Variants in NBEA observed in about 807,000 individuals in gnomAD.
The protein encoded by NBEA is neurobeachin.
In NBEA, 44 loss-of-function variants were observed where a neutral mutation model predicts 343.4. That is an observed-to-expected ratio of 0.13 (90% CI 0.10 to 0.16). NBEA has a LOEUF of 0.16. NBEA is among the 10% of genes least tolerant of loss of function. The pLI is 1.00. For missense variants in NBEA, 2,555 were observed against 3,631.3 expected, an observed-to-expected ratio of 0.70 and a Z score of 7.62; for synonymous variants, 1,175 against 1,238.7, an observed-to-expected ratio of 0.95 and a Z score of 1.08.
intron 1 of NBEA, among the ~76,000 whole-genome samples, chr13:34,987,669 A>G (rs2060601330): frequency 6.6e-6 from 1 of 150,822 alleles, no homozygotes; most frequent in African/African-American, 2.4e-5. Flanking sequence ...ATAGTCCTAT[A>G]TTTCTTGGAG....
intron 56 of NBEA, among the ~76,000 whole-genome samples, chr13:35,665,473 G>A (rs1387601249): frequency 6.6e-6 from 1 of 152,086 alleles, no homozygotes; most frequent in Non-Finnish European, 1.5e-5. Flanking sequence ...AAGACAAGGG[G>A]AAAGTATCCC....
chr13:35,147,072 C>T (rs1364186921), intron 18 of NBEA, among the ~76,000 whole-genome samples: 1 of 152,150 alleles, frequency 6.6e-6, no homozygotes, highest in East Asian at 1.9e-4. Context: ...TTATCATAGT[C>T]CACAGGCTTG....
chr13:35,047,478 C>T (rs953484794), intron 4 of NBEA, among the ~76,000 whole-genome samples: 12 of 151,962 alleles, frequency 7.9e-5, no homozygotes, highest in Middle Eastern at 3.4e-3. Context: ...TCCAGAAAAG[C>T]TTCACAGATG....
chr13:35,265,136 A>G (rs1353364044), intron 34 of NBEA, among the ~76,000 whole-genome samples: 4 of 151,880 alleles, frequency 2.6e-5, no homozygotes, highest in African/African-American at 9.7e-5. Context: ...AATATTTGCA[A>G]TTGCAATGTT....
At chr13:35,561,350 T>G (rs189799473) in intron 44 of NBEA, among the ~76,000 whole-genome samples, 1 of 152,290 alleles carries the variant, frequency 6.6e-6, no homozygotes, top group East Asian at 1.9e-4. Flanking sequence ...AGAGAAGTGT[T>G]ACAGAATTGG....
chr13:35,503,966 A>G (rs1027230699), intron 41 of NBEA, among the ~76,000 whole-genome samples: 2 of 152,216 alleles, frequency 1.3e-5, no homozygotes, highest in Non-Finnish European at 2.9e-5. Flanking sequence ...AGGAACAAAT[A>G]CATGATTTGA....
At chr13:35,239,325 G>C (rs1339184741) in intron 34 of NBEA, among the ~76,000 whole-genome samples, 1 of 152,038 alleles carries the variant, frequency 6.6e-6, no homozygotes, top group Non-Finnish European at 1.5e-5. Flanking sequence ...AGGACTCATG[G>C]TGGCCATCAA....
intron 49 of NBEA, among the ~76,000 whole-genome samples, chr13:35,628,841 C>G (rs916994244): frequency 1.3e-5 from 2 of 152,116 alleles, no homozygotes; most frequent in Non-Finnish European, 2.9e-5. Context: ...TCACTTGAAC[C>G]CAGGAGGCAG....
At chr13:35,649,226 G>A (rs2084395650) in intron 51 of NBEA, among the ~76,000 whole-genome samples, 1 of 152,180 alleles carries the variant, frequency 6.6e-6, no homozygotes, top group Non-Finnish European at 1.5e-5. Flanking sequence ...CAACCAGATA[G>A]AAATGAAAGT....
chr13:35,195,844 C>G lies in NBEA; in HGVS notation c.4928-20C>G. 6.5e-7 allele frequency: 1 copy of G among 1,538,884 alleles called. No homozygotes were observed. Among genetic ancestry groups the G allele is most frequent in the Non-Finnish European group, 8.7e-7 (1 of 1,145,886 alleles). ...TTTTACTTTCAAAGCTTTTTTCTAA[C>G]CTAGTTTCTTTCATTACAGAAACAC... On this transcript the variant is annotated intron_variant, in intron 30 of 58. Coordinates refer to ENST00000379939, the MANE Select transcript of NBEA (RefSeq NM_001385012.1).
At chr13:35,214,452 C>A (rs540992725) in intron 33 of NBEA, among the ~76,000 whole-genome samples, 1 of 151,814 alleles carries the variant, frequency 6.6e-6, no homozygotes, top group Non-Finnish European at 1.5e-5. Flanking sequence ...GTAACCATAT[C>A]TCATTTGGTT....
chr13:35,123,445 T>C (rs1389004993), intron 16 of NBEA, 37 bp from the exon 17 acceptor site: 7 of 1,217,196 alleles, frequency 5.8e-6, no homozygotes, highest in Admixed American at 2.5e-5. Context: ...TTTTTAATAT[T>C]AGTAAGTTTT....
chr13:35,349,584 T>C (rs1036940254), intron 37 of NBEA, among the ~76,000 whole-genome samples: 3 of 151,384 alleles, frequency 2.0e-5, no homozygotes, highest in Non-Finnish European at 4.4e-5. Context: ...ATGAATAAAC[T>C]CATATAAGAT....
chr13:35,591,144 G>A (rs556918460), intron 46 of NBEA, among the ~76,000 whole-genome samples: 2 of 152,058 alleles, frequency 1.3e-5, no homozygotes, highest in South Asian at 2.1e-4. Context: ...CCAAGGTATT[G>A]TCATTCCCAG....
chr13:35,021,351 AC>A (rs1244437720), intron 1 of NBEA, among the ~76,000 whole-genome samples: 1 of 151,848 alleles, frequency 6.6e-6, no homozygotes, highest in Non-Finnish European at 1.5e-5. Flanking sequence ...AAGTTTGCTG[AC>A]CCTCTGCATT....
rs866585166 is a variant in NBEA, at chr13:35,651,491, C to T, written c.7964-314C>T. Reference sequence around the variant, plus strand: ...ATAGCCCTTTCATTGATTTCAGGCTCATTGATTGCTCATGACCTTAGCTTT... The same window carrying T: ...ATAGCCCTTTCATTGATTTCAGGCTTATTGATTGCTCATGACCTTAGCTTT... On this transcript the variant is annotated intron_variant, in intron 52 of 58. Coordinates refer to ENST00000379939, the MANE Select transcript of NBEA (RefSeq NM_001385012.1). 3.9e-5 allele frequency among the ~76,000 whole-genome samples: 6 copies of T among 152,210 alleles called. 1 individual carries two copies. The Middle Eastern group carries it at 0.02, about 518-fold the overall frequency.
chr13:34,962,638 T>C (rs1365347798), intron 1 of NBEA, among the ~76,000 whole-genome samples: 1 of 152,124 alleles, frequency 6.6e-6, no homozygotes, highest in African/African-American at 2.4e-5. Context: ...CATGTTTTTA[T>C]ATATTATTTG....
intron 10 of NBEA, among the ~76,000 whole-genome samples, chr13:35,082,167 T>G (rs574576601): frequency 5.9e-5 from 9 of 152,142 alleles, no homozygotes; most frequent in East Asian, 5.8e-4. Context: ...ACATGCGGTG[T>G]TTGGTTTTTT....
At position 35,161,867 on chromosome 13, in the gene NBEA, A is replaced by G. The variant is rs1205117746; in HGVS notation, c.3979A>G (p.Thr1327Ala). 6.2e-7 allele frequency: 1 copy of G among 1,604,212 alleles called. No homozygotes were observed. Among genetic ancestry groups the G allele is most frequent in the Non-Finnish European group, 8.5e-7 (1 of 1,175,118 alleles). Residue 1327 changes from threonine (T) to alanine (A), a missense_variant, in exon 23 of 59, where the codon ACA becomes GCA. Physicochemically the swap from Thr to Ala is moderately conservative, Grantham distance 58. This residue lies in a region of NBEA where 69 missense variants were observed against 128.8 expected (regional missense o/e 0.54). Transcript: ENST00000379939. The stretch of plus-strand genomic sequence containing the variant: ...CCAGTTTAGCCCAGGTCCACGGACT[A>G]CAATGTTTCGTATTCCTGAGTTTAA... ...RRQFSPGPRT[T>A]MFRIPEFKWS...
Sources: gnomAD v4.1 joint callset for allele counts (sites outside exome capture counted in the v4.1 genomes callset) on GRCh38, gnomAD v4.1.1 for gene constraint, gnomAD v4.1.1 regional missense constraint, MANE v1.5 for transcripts, NCBI Gene and HGNC (gene_info 2026-07-23, HGNC 2026-07-21) for gene names.